ERBB4: variants seen among roughly 807,000 people sequenced by gnomAD.
ERBB4 encodes receptor tyrosine-protein kinase erbB-4.
Under a neutral mutation model 158.0 loss-of-function variants are expected in ERBB4, and 42 were observed. The observed-to-expected ratio is 0.27, with a 90% CI of 0.21 to 0.34. The LOEUF (loss-of-function observed/expected upper bound fraction) is 0.34. ERBB4 is among the 10% of genes least tolerant of loss of function. The pLI is 1.00. For synonymous variants in ERBB4, 583 were observed against 558.7 expected (o/e 1.04, Z -0.61); for missense variants, 1,333 against 1,624.1 (o/e 0.82, Z 3.08).
chr2:212,440,388 T>C (rs1344073608), intron 1 of ERBB4, among the ~76,000 whole-genome samples: 2 of 152,192 alleles, frequency 1.3e-5, no homozygotes, highest in African/African-American at 2.4e-5. Flanking sequence ...CCCTCAAACA[T>C]TGGACTCCAA....
intron 1 of ERBB4, among the ~76,000 whole-genome samples, chr2:212,509,784 A>G (rs10207963): frequency 0.12 from 18,428 of 151,960 alleles, 2,566 homozygotes; most frequent in African/African-American, 0.34. Flanking sequence ...TGATTAAATT[A>G]TTAGATGTAT....
chr2:212,379,468 T>G (rs1378353287), intron 1 of ERBB4, among the ~76,000 whole-genome samples: 1 of 151,594 alleles, frequency 6.6e-6, no homozygotes, highest in East Asian at 1.9e-4. Flanking sequence ...CAATAAAAAA[T>G]ATGGAAATAG....
At chr2:211,736,082 G>T (rs990985631) in intron 5 of ERBB4, among the ~76,000 whole-genome samples, 3 of 151,842 alleles carry the variant, frequency 2.0e-5, no homozygotes, top group Non-Finnish European at 2.9e-5. Context: ...AGGATCACTT[G>T]AGCCCTGGAG....
At chr2:212,334,811 CTCATT>C (rs1456950269) in intron 1 of ERBB4, among the ~76,000 whole-genome samples, 3 of 151,896 alleles carry the variant, frequency 2.0e-5, no homozygotes, top group South Asian at 4.1e-4. Flanking sequence ...AATTTAAATG[CTCATT>C]TCATTTCATG....
intron 3 of ERBB4, among the ~76,000 whole-genome samples, chr2:211,925,213 T>C: frequency 6.6e-6 from 1 of 152,158 alleles, no homozygotes; most frequent in East Asian, 1.9e-4. Context: ...AAGAACTGCC[T>C]TGCTCAAACA....
chr2:211,544,274 T>C (rs142174991), intron 20 of ERBB4, among the ~76,000 whole-genome samples: 426 of 152,224 alleles, frequency 2.8e-3, no homozygotes, highest in African/African-American at 9.7e-3. Context: ...AATTATGGTA[T>C]AAAATTTCTG....
At chr2:212,160,040 G>C (rs1384874867) in intron 1 of ERBB4, among the ~76,000 whole-genome samples, 1 of 151,958 alleles carries the variant, frequency 6.6e-6, no homozygotes, top group Non-Finnish European at 1.5e-5. Context: ...CAAATGCGTT[G>C]TCTTCAAACT....
chr2:211,456,081 A>T (rs1367007850), intron 20 of ERBB4, among the ~76,000 whole-genome samples: 1 of 152,194 alleles, frequency 6.6e-6, no homozygotes, highest in Non-Finnish European at 1.5e-5. Flanking sequence ...GTATTGACTG[A>T]TGAGGAGCCT....
intron 1 of ERBB4, among the ~76,000 whole-genome samples, chr2:212,521,280 C>CT (rs1227943528): frequency 2.0e-5 from 3 of 151,666 alleles, no homozygotes; most frequent in African/African-American, 7.3e-5. Flanking sequence ...TCTCTAAGCT[C>CT]TTTTTTTAAT....
intron 16 of ERBB4, among the ~76,000 whole-genome samples, chr2:211,643,757 CA>C (rs901042133): frequency 2.6e-4 from 40 of 151,852 alleles, no homozygotes; most frequent in African/African-American, 8.5e-4. Flanking sequence ...TGGAGGGGGA[CA>C]GGGGTGGGAG....
intron 19 of ERBB4, among the ~76,000 whole-genome samples, chr2:211,581,803 A>G (rs1278984932): frequency 3.9e-5 from 6 of 152,054 alleles, no homozygotes; most frequent in Admixed American, 3.9e-4. Context: ...CGAGGTCAAG[A>G]GATTGAGACC....
At chr2:212,364,185 A>C (rs1211602602) in intron 1 of ERBB4, among the ~76,000 whole-genome samples, 3 of 151,852 alleles carry the variant, frequency 2.0e-5, no homozygotes, top group Non-Finnish European at 4.4e-5. Context: ...GCATACAGCT[A>C]GTTGATTGTT....
At chr2:211,544,886 G>A (rs928457124) in intron 20 of ERBB4, among the ~76,000 whole-genome samples, 46 of 151,960 alleles carry the variant, frequency 3.0e-4, no homozygotes, top group African/African-American at 1.0e-3. Context: ...GTTTACTGCC[G>A]TGGATTGTCA....
intron 3 of ERBB4, among the ~76,000 whole-genome samples, chr2:211,894,416 T>TG (rs1415636918): frequency 1.0e-5 from 1 of 97,714 alleles, no homozygotes; most frequent in African/African-American, 4.1e-5. Context: ...TGTGGTGGGG[T>TG]GGGGGGAGGG....
In ERBB4 at chr2:211,402,836, C is replaced by A. The variant is rs183220332; in HGVS notation, c.3136-14844G>T. Among the ~76,000 whole-genome samples, 659 of 152,052 alleles carry A rather than the reference C, an allele frequency of 4.3e-3. 10 individuals are homozygous for A. Among genetic ancestry groups the A allele is most frequent in the African/African-American group, 0.015 (641 of 41,524 alleles). On this transcript the variant is annotated intron_variant, in intron 25 of 27. Coordinates refer to ENST00000342788, the MANE Select transcript of ERBB4 (RefSeq NM_005235.3). ...CCCATCCATCTTGATGTTCTAAACA[C>A]CAGAAGTCCCCAAAGCGGCTTTCAC...
intron 4 of ERBB4, chr2:211,779,812 C>A (rs1249434556): frequency 6.6e-6 from 1 of 152,154 alleles, no homozygotes; most frequent in Non-Finnish European, 1.5e-5. Flanking sequence ...TGGTTTCAAG[C>A]CCATCCCATA....
chr2:211,671,120 GA>G lies in ERBB4; in HGVS notation c.1716+2043del, dbSNP rs558807656. Among the ~76,000 whole-genome samples, 504 of 152,126 alleles carry G rather than the reference GA, an allele frequency of 3.3e-3. 1 individual carries two copies. Among genetic ancestry groups the G allele is most frequent in the Non-Finnish European group, 5.2e-3 (354 of 67,972 alleles). On this transcript the variant is annotated intron_variant, in intron 14 of 27. Transcript: ENST00000342788. ...GTTCATAAATATATTTGATTTTTCT[GA>G]AAAGTCACAATTGCAAGAAAGGCCA...
intron 1 of ERBB4, among the ~76,000 whole-genome samples, chr2:212,504,959 T>G (rs917250606): frequency 6.6e-6 from 1 of 152,240 alleles, no homozygotes; most frequent in Non-Finnish European, 1.5e-5. Context: ...TGGTTGTAGA[T>G]TTTTGTAATT....
At chr2:211,505,436 C>A (rs2065719715) in intron 20 of ERBB4, among the ~76,000 whole-genome samples, 1 of 151,694 alleles carries the variant, frequency 6.6e-6, no homozygotes, top group African/African-American at 2.4e-5. Flanking sequence ...CTAGACTGGC[C>A]CAACAACTTA....
Sources: gnomAD v4.1 joint callset for allele counts (sites outside exome capture counted in the v4.1 genomes callset) on GRCh38, gnomAD v4.1.1 for gene constraint, MANE v1.5 for transcripts, NCBI Gene and HGNC (gene_info 2026-07-23, HGNC 2026-07-21) for gene names.